Variants in KANSL1L observed in about 807,000 individuals in gnomAD.
The protein encoded by KANSL1L is KAT8 regulatory NSL complex subunit 1 like, also known as KAT8 regulatory NSL complex subunit 1-like protein.
A neutral mutation model predicts 108.6 loss-of-function variants in KANSL1L; 25 were observed. That is an observed-to-expected ratio of 0.23 (90% CI 0.17 to 0.32). KANSL1L has a LOEUF of 0.32. KANSL1L is among the 10% of genes least tolerant of loss of function. The probability of loss-of-function intolerance (pLI) is 1.00; values close to 1 mark genes in which losing one functional copy is unlikely to be tolerated. For synonymous variants in KANSL1L, 405 were observed against 395.1 expected, an observed-to-expected ratio of 1.03 and a Z score of -0.30; for missense variants, 1,137 against 1,125.7, an observed-to-expected ratio of 1.01 and a Z score of -0.14.
chr2:210,164,787 G>A (rs1044921732), intron 1 of KANSL1L, among the ~76,000 whole-genome samples: 1 of 149,994 alleles, frequency 6.7e-6, no homozygotes, highest in Admixed American at 6.7e-5. Context: ...CTGTCAATAG[G>A]TAACAGTTCT....
intron 8 of KANSL1L, among the ~76,000 whole-genome samples, chr2:210,040,079 A>G (rs973164443): frequency 6.6e-6 from 1 of 151,894 alleles, no homozygotes; most frequent in African/African-American, 2.4e-5. Flanking sequence ...AACAAATTCT[A>G]TGAGAACTTC....
chr2:210,149,747 T>C (rs1298807862), intron 2 of KANSL1L, among the ~76,000 whole-genome samples: 3 of 152,120 alleles, frequency 2.0e-5, no homozygotes, highest in Admixed American at 6.5e-5. Context: ...CAATATTTAG[T>C]CAATTTCAAA....
intron 1 of KANSL1L, among the ~76,000 whole-genome samples, chr2:210,166,488 T>G (rs1321531336): frequency 6.6e-6 from 1 of 152,108 alleles, no homozygotes; most frequent in East Asian, 1.9e-4. Flanking sequence ...GAACCACTCT[T>G]CCTCCTGAGA....
intron 10 of KANSL1L, chr2:210,029,261 G>A (rs2093981677): frequency 3.7e-6 from 1 of 269,570 alleles, no homozygotes; most frequent in Non-Finnish European, 6.9e-6. Context: ...CTCTTTATCA[G>A]AAAAGACCAA....
At chr2:210,056,135 A>G (rs1230491290) in intron 6 of KANSL1L, among the ~76,000 whole-genome samples, 1 of 152,244 alleles carries the variant, frequency 6.6e-6, no homozygotes, top group African/African-American at 2.4e-5. Context: ...GCCAAGGTAC[A>G]GCTCAGGCCA....
intron 1 of KANSL1L, among the ~76,000 whole-genome samples, chr2:210,164,159 G>A (rs900900879): frequency 6.6e-6 from 1 of 152,188 alleles, no homozygotes. Flanking sequence ...ATATCAACAT[G>A]TAATCAATAC....
At chr2:210,026,559 C>T (rs1014251658) in intron 12 of KANSL1L, among the ~76,000 whole-genome samples, 4 of 152,104 alleles carry the variant, frequency 2.6e-5, no homozygotes, top group African/African-American at 9.7e-5. Context: ...ACAGGTATTA[C>T]GTGATATGTT....
chr2:210,040,164 T>C (rs1470954888), intron 8 of KANSL1L, among the ~76,000 whole-genome samples: 1 of 151,906 alleles, frequency 6.6e-6, no homozygotes, highest in Admixed American at 6.6e-5. Context: ...ACAGAAATGC[T>C]GTTTCTCCAC....
Position 210,153,801 on chromosome 2 carries a change from A to C in KANSL1L, c.782T>G (p.Met261Arg). 2 of 1,613,234 alleles carry C rather than the reference A, an allele frequency of 1.2e-6. No individual in the cohort carries two copies. The highest frequency in any genetic ancestry group is 1.7e-5 in the Admixed American group (1 of 59,874). The stretch of plus-strand genomic sequence containing the variant: ...GAGTTGATGTTTCATAGACAATTTC[A>C]TCTGCTGACCATAGTGCTTAACAAC... ...KHVVKHYGQQMKLSMKHQLPK... is the reference protein window; with the variant it reads ...KHVVKHYGQQRKLSMKHQLPK... Residue 261 changes from methionine to arginine, a missense_variant, in exon 2 of 15, where the codon ATG (methionine) becomes AGG (arginine). This residue lies in a region of KANSL1L where 556 missense variants were observed against 537.7 expected (regional missense o/e 1.03). Transcript: ENST00000281772.
chr2:210,170,167 G>A, intron 1 of KANSL1L: 1 of 159,886 alleles, frequency 6.3e-6, no homozygotes, highest in Non-Finnish European at 1.3e-5. Context: ...ACTTCACTTA[G>A]GTTTTGTGGC....
chr2:210,091,974 C>T (rs1442755480), intron 5 of KANSL1L, among the ~76,000 whole-genome samples: 2 of 152,182 alleles, frequency 1.3e-5, no homozygotes, highest in African/African-American at 4.8e-5. Flanking sequence ...TTTCAACATA[C>T]TAATGGTACC....
At chr2:210,119,184 A>G (rs955450563) in intron 3 of KANSL1L, among the ~76,000 whole-genome samples, 1 of 151,564 alleles carries the variant, frequency 6.6e-6, no homozygotes, top group African/African-American at 2.4e-5. Context: ...CTCCGTCTCG[A>G]AAAAAAAGAA....
chr2:210,094,251 G>GT (rs2094716995), intron 5 of KANSL1L, among the ~76,000 whole-genome samples: 1 of 151,910 alleles, frequency 6.6e-6, no homozygotes, highest in Non-Finnish European at 1.5e-5. Context: ...ATACTTATGA[G>GT]TTTTCTTACC....
chr2:210,132,140 A>C (rs889274599), intron 2 of KANSL1L, among the ~76,000 whole-genome samples: 2 of 152,218 alleles, frequency 1.3e-5, no homozygotes, highest in Non-Finnish European at 2.9e-5. Flanking sequence ...ATTGTTAATA[A>C]TTAAGATGTT....
chr2:210,081,877 ATATATTT>A (rs1559541696), intron 5 of KANSL1L, among the ~76,000 whole-genome samples: 1 of 152,218 alleles, frequency 6.6e-6, no homozygotes, highest in African/African-American at 2.4e-5. Flanking sequence ...AAAAAAAGAT[ATATATTT>A]CCACTGCCTT....
intron 5 of KANSL1L, among the ~76,000 whole-genome samples, chr2:210,087,926 C>G (rs559297883): frequency 6.6e-6 from 1 of 152,098 alleles, no homozygotes; most frequent in Non-Finnish European, 1.5e-5. Context: ...CTTCATAGCA[C>G]TTGATCAAGG....
intron 2 of KANSL1L, among the ~76,000 whole-genome samples, chr2:210,131,302 G>T (rs971043923): frequency 6.6e-6 from 1 of 152,066 alleles, no homozygotes; most frequent in African/African-American, 2.4e-5. Flanking sequence ...GGAAGGAGAG[G>T]GGAGACAAAG....
Position 210,022,900 on chromosome 2 carries a change from T to G in KANSL1L, c.*49A>C. The stretch of plus-strand genomic sequence containing the variant: ...TGGGGGATCCAGAACAGGGCTTTAT[T>G]TCCTCCCATCTTTCCTACATTTACA... On this transcript the variant is annotated 3_prime_UTR_variant, in exon 15 of 15. Coordinates refer to ENST00000281772, the MANE Select transcript of KANSL1L (RefSeq NM_152519.4). 1.5e-6 allele frequency: 2 copies of G among 1,305,314 alleles called. No homozygotes were observed. The highest frequency in any genetic ancestry group is 2.3e-5 in the East Asian group (1 of 43,254). 80.9% of individuals were successfully genotyped at this position (1,305,314 alleles called of 1,614,324 possible). A position where few individuals can be genotyped will look rare whatever the true frequency, so the allele number is the denominator to read the frequency against.
chr2:210,096,486 G>A (rs2094737088), intron 5 of KANSL1L: 1 of 984,616 alleles, frequency 1.0e-6, no homozygotes. Flanking sequence ...ATACAGGCAA[G>A]TATATTAAAA....
Sources: allele counts gnomAD v4.1 joint callset (sites outside exome capture counted in the v4.1 genomes callset), GRCh38; gene constraint gnomAD v4.1.1; regional missense constraint gnomAD v4.1.1; transcripts MANE v1.5; gene names NCBI Gene and HGNC (gene_info 2026-07-23, HGNC 2026-07-21).